The following EMSY variants were observed in gnomAD, a reference collection of about 807,000 sequenced individuals.
EMSY encodes the protein EMSY transcriptional repressor, BRCA2 interacting.
EMSY carries 26 observed loss-of-function variants against 134.6 expected under a neutral mutation model. The ratio of observed to expected loss-of-function variants is 0.19; its 90% CI spans 0.14 to 0.27. EMSY has a LOEUF of 0.27. Among genes scored for constraint, EMSY ranks in the 10% least tolerant of loss-of-function variants. The pLI, the probability that EMSY is intolerant of heterozygous loss-of-function variation, is 1.00. For missense variants in EMSY, 1,305 were observed against 1,611.4 expected (o/e 0.81, Z 3.26); for synonymous variants, 579 against 577.8 (o/e 1.00, Z -0.03).
chr11:76,490,384 A>G (rs1296268248), intron 8 of EMSY, among the ~76,000 whole-genome samples: 1 of 152,162 alleles, frequency 6.6e-6, no homozygotes, highest in Non-Finnish European at 1.5e-5. Flanking sequence ...GACCCCTGTT[A>G]TGAAAATAAA....
chr11:76,501,873 CAG>C (rs1949871387), intron 9 of EMSY, among the ~76,000 whole-genome samples: 1 of 151,814 alleles, frequency 6.6e-6, no homozygotes, highest in Non-Finnish European at 1.5e-5. Flanking sequence ...AGATCATAAA[CAG>C]ACACATCTCA....
chr11:76,487,478 T>C (rs1565307390), intron 8 of EMSY, among the ~76,000 whole-genome samples: 1 of 152,238 alleles, frequency 6.6e-6, no homozygotes, highest in Non-Finnish European at 1.5e-5. Flanking sequence ...CATATTATTT[T>C]TTAACGGTAT....
chr11:76,496,774 C>A, intron 9 of EMSY: 4 of 387,800 alleles, frequency 1.0e-5, no homozygotes, highest in South Asian at 8.9e-5. Context: ...CTCACTTGTT[C>A]TCAGAGTATT....
intron 20 of EMSY, chr11:76,547,242 T>C (rs1396111130): frequency 3.6e-6 from 1 of 274,126 alleles, no homozygotes; most frequent in African/African-American, 2.3e-5. Context: ...ATCAATTCAT[T>C]ATGGTAAACT....
intron 17 of EMSY, among the ~76,000 whole-genome samples, chr11:76,540,042 TTCTC>T (rs1329530769): frequency 2.0e-5 from 3 of 152,178 alleles, no homozygotes; most frequent in African/African-American, 4.8e-5. Context: ...TGGGTACTAG[TTCTC>T]TCTAATTTTC....
intron 8 of EMSY, among the ~76,000 whole-genome samples, chr11:76,494,664 T>C (rs1284259940): frequency 1.9e-4 from 1 of 5,154 alleles, no homozygotes; most frequent in South Asian, 7.1e-3. Context: ...CCTTCCTTCC[T>C]TCCTTCCTTC....
rs749541938 is a variant in EMSY at position 76,544,824 on chromosome 11, TA to T, written c.3273+4del. The stretch of plus-strand genomic sequence containing the variant: ...TCAGAGAAACAGACGGCAAGCCAGG[TA>T]ACGGAATATTGATAGCATGCAAAGT... On this transcript the variant is annotated splice_donor_region_variant and intron_variant, in intron 19 of 20. Coordinates refer to ENST00000334736, the Ensembl canonical transcript of EMSY. The T allele has an allele frequency of 1.9e-6, 3 of 1,613,174 alleles. No individual in the cohort carries two copies. In the Admixed American group the frequency reaches 5.0e-5, roughly 27 times the overall value.
At chr11:76,460,206 T>C in intron 6 of EMSY, 121 bp downstream of exon 7, 1 of 1,203,998 alleles carries the variant, frequency 8.3e-7, no homozygotes, top group African/African-American at 1.5e-5. Flanking sequence ...GGTTAGTTTT[T>C]GAAGATTTTA....
At chr11:76,460,436 TA>T (rs1205674418) in intron 6 of EMSY, 3 of 166,726 alleles carry the variant, frequency 1.8e-5, no homozygotes, top group Non-Finnish European at 3.9e-5. Context: ...CCTATAATTT[TA>T]ATCTTTGTAG....
intron 1 of EMSY, among the ~76,000 whole-genome samples, chr11:76,446,430 C>T (rs550806308): frequency 4.3e-4 from 65 of 151,588 alleles, no homozygotes; most frequent in African/African-American, 1.2e-3. Flanking sequence ...TATTAAGTTT[C>T]TTTAACTTGC....
intron 9 of EMSY, among the ~76,000 whole-genome samples, chr11:76,512,182 C>A (rs1950301029): frequency 1.3e-5 from 2 of 148,936 alleles, no homozygotes; most frequent in South Asian, 4.4e-4. Context: ...AGAGTGTTAC[C>A]AAAAATTTCC....
At chr11:76,469,853 A>G (rs1438748823) in intron 7 of EMSY, among the ~76,000 whole-genome samples, 1 of 152,146 alleles carries the variant, frequency 6.6e-6, no homozygotes, top group Non-Finnish European at 1.5e-5. Flanking sequence ...AGCTTGTATC[A>G]TGGTTGATTG....
chr11:76,502,395 C>A (rs1949904466), intron 9 of EMSY, among the ~76,000 whole-genome samples: 1 of 120,902 alleles, frequency 8.3e-6, no homozygotes, highest in African/African-American at 3.2e-5. Context: ...AAAAAGCATC[C>A]AGATTGAAAC....
At chr11:76,544,561 C>A (rs138755340) in exon 19 of EMSY, 1 of 1,614,130 alleles carries the variant, frequency 6.2e-7, no homozygotes, top group Non-Finnish European at 8.5e-7. Context: ...ATCAAAAACT[C>A]ACCCCTCTCC....
At chr11:76,512,621 A>G (rs1950316264) in intron 9 of EMSY, among the ~76,000 whole-genome samples, 3 of 151,460 alleles carry the variant, frequency 2.0e-5, no homozygotes, top group Admixed American at 1.3e-4. Flanking sequence ...GCAGCAAGCT[A>G]CACTTTTTTT....
intron 7 of EMSY, among the ~76,000 whole-genome samples, chr11:76,471,207 G>T (rs1438950973): frequency 2.0e-5 from 3 of 152,026 alleles, no homozygotes; most frequent in Non-Finnish European, 2.9e-5. Context: ...GTAGAGTAAT[G>T]ATTTTTTAAA....
At chr11:76,450,603 T>C (rs1590766580) in intron 2 of EMSY, among the ~76,000 whole-genome samples, 1 of 151,218 alleles carries the variant, frequency 6.6e-6, no homozygotes, top group African/African-American at 2.4e-5. Flanking sequence ...GTGATCCTCC[T>C]ACCTCAGCCT....
chr11:76,457,299 A>T (rs1947912446), intron 4 of EMSY, among the ~76,000 whole-genome samples: 1 of 152,180 alleles, frequency 6.6e-6, no homozygotes, highest in South Asian at 2.1e-4. Context: ...ATTTAGTGTG[A>T]AGAGATTGAT....
chr11:76,455,895 G>C (rs879762924), intron 4 of EMSY, among the ~76,000 whole-genome samples: 4 of 152,132 alleles, frequency 2.6e-5, no homozygotes, highest in Non-Finnish European at 4.4e-5. Context: ...TGGAATTTCT[G>C]CTCTCTTAAT....
Sources: allele counts gnomAD v4.1 joint callset (sites outside exome capture counted in the v4.1 genomes callset), GRCh38; gene constraint gnomAD v4.1.1; transcripts MANE v1.5; gene names NCBI Gene and HGNC (gene_info 2026-07-23, HGNC 2026-07-21).